Variants in TRIM66 observed in about 807,000 individuals in gnomAD.
TRIM66 encodes the protein tripartite motif-containing protein 66.
Under a neutral mutation model 148.2 loss-of-function variants are expected in TRIM66, and 99 were observed. The observed-to-expected ratio is 0.67, with a 90% CI of 0.57 to 0.79. TRIM66 has a LOEUF of 0.79. TRIM66 is among the 30% of genes least tolerant of loss of function. The probability of loss-of-function intolerance (pLI) is 0.00; values close to 1 mark genes in which losing one functional copy is unlikely to be tolerated. For synonymous variants in TRIM66, 616 were observed against 635.9 expected (o/e 0.97, Z 0.47); for missense variants, 1,666 against 1,697.9 (o/e 0.98, Z 0.33).
chr11:8,666,096 G>T (rs530398685), intron 6 of TRIM66, among the ~76,000 whole-genome samples: 39 of 152,162 alleles, frequency 2.6e-4, no homozygotes, highest in African/African-American at 9.2e-4. Flanking sequence ...TGGTACTTTG[G>T]GAGGCCGAGG....
chr11:8,640,805 G>T lies in TRIM66; in HGVS notation c.1570C>A (p.Pro524Thr). ...AGCCAGGGCTGCAGCAGCTTTGGTGGATGAGGGCTGCAGGCCAGCTCTTTC... is the reference window on the plus strand; with the variant it reads ...AGCCAGGGCTGCAGCAGCTTTGGTGTATGAGGGCTGCAGGCCAGCTCTTTC... ...REKELACSPH[P>T]PKLLQPWLET... The change falls in exon 14 of 25, where the codon CCA becomes ACA. Residue 524 changes from proline to threonine, a missense_variant. By Grantham distance (38) the Pro-to-Thr change is conservative. Around this residue, in one of 3 missense-constraint regions of TRIM66, gnomAD observed 1,431 missense variants for 1,412.4 expected, o/e 1.01. Transcript: ENST00000646038. The T allele has an allele frequency of 3.2e-6, 5 of 1,550,876 alleles. No homozygotes were observed. The highest frequency in any genetic ancestry group is 4.4e-6 in the Non-Finnish European group (5 of 1,146,986).
chr11:8,649,470 G>T (rs1050419667), intron 8 of TRIM66, among the ~76,000 whole-genome samples: 1 of 152,192 alleles, frequency 6.6e-6, no homozygotes, highest in Non-Finnish European at 1.5e-5. Flanking sequence ...GAGGGGAAAG[G>T]CAGGGAGCTC....
chr11:8,672,162 AG>A, intron 5 of TRIM66, 64 bp from the exon 6 acceptor site: 1 of 1,531,746 alleles, frequency 6.5e-7, no homozygotes, highest in South Asian at 1.2e-5. Flanking sequence ...CTTAGGCCAG[AG>A]GGGCCTTCGA....
intron 1 of TRIM66, chr11:8,682,396 T>C (rs1592231937): frequency 4.3e-6 from 1 of 234,744 alleles, no homozygotes; most frequent in Non-Finnish European, 8.6e-6. Context: ...CTAAGAACTG[T>C]GGAGGTGCGC....
Position 8,638,727 on chromosome 11 carries a change from C to G in TRIM66, c.2237G>C (p.Gly746Ala). 1 of 1,549,824 alleles carries G rather than the reference C, an allele frequency of 6.5e-7. No individual in the cohort carries two copies. Among genetic ancestry groups the G allele is most frequent in the Non-Finnish European group, 8.7e-7 (1 of 1,146,278 alleles). ...GGGGACACTGAGAGGGGTTTCTTCC[C>G]CAGACGCCTGGGGCAAGGCAGCAGC... Reference protein sequence around the residue: ...NTAAALPQASGEETPLSVPPV... With the variant: ...NTAAALPQASAEETPLSVPPV... Residue 746 changes from glycine (G) to alanine (A), a missense_variant, in exon 15 of 25, where the codon GGG (glycine) becomes GCG (alanine). Around this residue, in one of 3 missense-constraint regions of TRIM66, gnomAD observed 1,431 missense variants for 1,412.4 expected, o/e 1.01. Coordinates refer to ENST00000646038, the MANE Select transcript of TRIM66 (RefSeq NM_001388022.1).
At chr11:8,623,829 G>A (rs142918756) in intron 17 of TRIM66, among the ~76,000 whole-genome samples, 2 of 152,298 alleles carry the variant, frequency 1.3e-5, no homozygotes, top group East Asian at 3.9e-4. Context: ...CAGGTACCAG[G>A]AAAATCCTTA....
intron 3 of TRIM66, among the ~76,000 whole-genome samples, chr11:8,675,260 A>G (rs2039122514): frequency 6.6e-6 from 1 of 152,258 alleles, no homozygotes; most frequent in African/African-American, 2.4e-5. Context: ...GAGGCAGCAA[A>G]AACTACCAGA....
upstream of TRIM66, chr11:8,683,059 T>G (rs1184586913): frequency 1.1e-6 from 1 of 950,430 alleles, no homozygotes; most frequent in Admixed American, 2.2e-5. Context: ...CTCACGGCCC[T>G]GAGCGGATCG....
At chr11:8,621,579 A>T in intron 19 of TRIM66, 66 bp downstream of exon 19, 1 of 1,454,124 alleles carries the variant, frequency 6.9e-7, no homozygotes, top group South Asian at 1.5e-5. Flanking sequence ...GAATTCGGGC[A>T]GTAGCAGAAA....
At position 8,624,447 on chromosome 11, in the gene TRIM66, C is replaced by A. The variant is rs1237332699; in HGVS notation, c.2931G>T (p.Glu977Asp). 1 of 1,551,658 alleles carries A rather than the reference C, an allele frequency of 6.4e-7. No individual in the cohort carries two copies. Among genetic ancestry groups the A allele is most frequent in the Admixed American group, 2.0e-5 (1 of 50,994 alleles). The change falls in exon 17 of 25, where the codon GAG (glutamate) becomes GAT (aspartate). Residue 977 changes from glutamate (E) to aspartate (D), a missense_variant. Transcript: ENST00000646038. ...PKDLAIPSEL[E>D]EPINLSVKKP... ...TCTTCACAGAGAGGTTAATTGGCTC[C>A]TCCAGTTCTGAGGGGATGGCCAAGT...
rs1226657640 is a variant in TRIM66, at chr11:8,621,796, A to T, written c.3104T>A (p.Ile1035Asn). The part of the protein sequence containing the change: ...SIRAFNSEHK[I>N]PYVRLERLKI... ...GAGTCGCTCCAGTCGCACATAGGGAATCTTATGCTCACTATTGAAGGCTCT... is the reference window on the plus strand; with the variant it reads ...GAGTCGCTCCAGTCGCACATAGGGATTCTTATGCTCACTATTGAAGGCTCT... Residue 1035 changes from isoleucine to asparagine, a missense_variant, in exon 19 of 25, where the codon ATT becomes AAT. Physicochemically the swap from Ile to Asn is moderately radical, Grantham distance 149. Around this residue, in one of 3 missense-constraint regions of TRIM66, gnomAD observed 1,431 missense variants for 1,412.4 expected, o/e 1.01. Transcript: ENST00000646038. 1.9e-6 allele frequency: 3 copies of T among 1,549,476 alleles called. No homozygotes were observed. In the East Asian group the frequency reaches 7.3e-5, roughly 38 times the overall value.
intron 7 of TRIM66, 79 bp from the exon 8 acceptor site, chr11:8,649,966 CA>C (rs2037214212): frequency 6.7e-7 from 1 of 1,483,798 alleles, no homozygotes. Flanking sequence ...GCTCTAAAGA[CA>C]GGGGTCCTGC....
chr11:8,647,130 T>C (rs2133195134), intron 10 of TRIM66, among the ~76,000 whole-genome samples: 1 of 151,096 alleles, frequency 6.6e-6, no homozygotes, highest in East Asian at 1.9e-4. Flanking sequence ...ATAATGTTTA[T>C]ATTAATGTGG....
rs768363510 is a variant in TRIM66 at position 8,654,797 on chromosome 11, T to A, written c.341-2894A>T. Among the ~76,000 whole-genome samples the A allele has an allele frequency of 2.0e-4, 30 of 152,338 alleles. 1 individual carries two copies. Among genetic ancestry groups the A allele is most frequent in the Non-Finnish European group, 3.5e-4 (24 of 68,030 alleles). ...CTGCTGTACATTGTTTTGCTTAAAA[T>A]CACAGTTTTTAAGAATCTAGTTGAT... is the stretch of plus-strand genomic sequence containing the variant. On this transcript the variant is annotated intron_variant, in intron 6 of 24. Coordinates refer to ENST00000646038, the MANE Select transcript of TRIM66 (RefSeq NM_001388022.1).
chr11:8,629,189 C>T (rs182604544), intron 15 of TRIM66, among the ~76,000 whole-genome samples: 110 of 152,304 alleles, frequency 7.2e-4, no homozygotes, highest in Admixed American at 3.2e-3. Context: ...TCCTTGTTGT[C>T]CTGGTTATGC....
At chr11:8,676,673 T>C (rs185124084) in intron 3 of TRIM66, among the ~76,000 whole-genome samples, 4 of 152,332 alleles carry the variant, frequency 2.6e-5, no homozygotes, top group Non-Finnish European at 4.4e-5. Context: ...AGTTTCTGAT[T>C]TGAGAAGACG....
At chr11:8,670,916 G>T (rs939137283) in intron 6 of TRIM66, among the ~76,000 whole-genome samples, 1 of 152,206 alleles carries the variant, frequency 6.6e-6, no homozygotes, top group Admixed American at 6.5e-5. Context: ...TTATCACAAT[G>T]AAACACTAAT....
At position 8,627,974 on chromosome 11, in the gene TRIM66, G is replaced by A. The variant is rs116407739; in HGVS notation, c.2311-2746C>T. On this transcript the variant is annotated intron_variant, in intron 15 of 24. Transcript: ENST00000646038. Reference sequence around the variant, plus strand: ...CGCCAGAGTAGCTGGGACTACAGGCGCATAACATCACATTGGCTAACTTTT... The same window carrying A: ...CGCCAGAGTAGCTGGGACTACAGGCACATAACATCACATTGGCTAACTTTT... Among the ~76,000 whole-genome samples, 1,299 of 152,192 alleles carry A rather than the reference G, an allele frequency of 8.5e-3. 24 individuals carry two copies. The highest frequency in any genetic ancestry group is 0.03 in the African/African-American group (1,241 of 41,524).
intron 15 of TRIM66, among the ~76,000 whole-genome samples, chr11:8,634,215 G>A (rs1056556302): frequency 6.6e-6 from 1 of 152,182 alleles, no homozygotes; most frequent in South Asian, 2.1e-4. Context: ...GCCCAAGTTG[G>A]AGTGCAGTGG....
Sources: gnomAD v4.1 joint callset for allele counts (sites outside exome capture counted in the v4.1 genomes callset) on GRCh38, gnomAD v4.1.1 for gene constraint, gnomAD v4.1.1 regional missense constraint, MANE v1.5 for transcripts, NCBI Gene and HGNC (gene_info 2026-07-23, HGNC 2026-07-21) for gene names.